The following MED16 variants were observed in gnomAD, a reference collection of about 807,000 sequenced individuals.
MED16 encodes the protein mediator complex subunit 16.
MED16 carries 81 observed loss-of-function variants against 84.4 expected under a neutral mutation model. The observed-to-expected ratio is 0.96, with a 90% CI of 0.80 to 1.15. The LOEUF is 1.15. Ranked by LOEUF, MED16 falls within the 50% of genes most tolerant of loss-of-function variation. MED16 has a pLI of 0.00. For missense variants in MED16, 1,585 were observed against 1,245.9 expected, an observed-to-expected ratio of 1.27 and a Z score of -4.10; for synonymous variants, 897 against 552.2, an observed-to-expected ratio of 1.62 and a Z score of -8.76.
In MED16 at chr19:885,973, T is replaced by A. The variant is rs1599341352; in HGVS notation, c.676A>T (p.Ile226Phe). The change falls in exon 5 of 16, where the codon ATC (isoleucine) becomes TTC (phenylalanine). Residue 226 changes from isoleucine (I) to phenylalanine (F), a missense_variant. Transcript: ENST00000325464. ...ADIAFTGGGN[I>F]VVATADGSSA... ...CTGCCGTCCGCCGTGGCCACCACGA[T>A]GTTGCCGCCGCCGGTGAAGGCGATG... The A allele has an allele frequency of 6.2e-7, 1 of 1,611,554 alleles. No individual in the cohort carries two copies. The highest frequency in any genetic ancestry group is 1.3e-5 in the African/African-American group (1 of 74,988).
At chr19:871,400 CACCAGGTCGGGGCCCCGG>C in intron 12 of MED16, 147 bp from the exon 13 acceptor site, 3 of 1,315,110 alleles carry the variant, frequency 2.3e-6, no homozygotes, top group Non-Finnish European at 3.1e-6. Context: ...GGGGTTCTCT[CACCAGGTCGGGGCCCCGG>C]CTCTGCCTGC....
chr19:886,180 C>T lies in MED16; in HGVS notation c.469G>A (p.Glu157Lys). The change falls in exon 5 of 16, where the codon GAG becomes AAG. Residue 157 changes from glutamate to lysine, a missense_variant. Glu to Lys is a moderately conservative substitution (Grantham distance 56). Transcript: ENST00000325464. Reference sequence around the variant, plus strand: ...GAGAACTTGACTCGGGAGAACTTCTCCCCGAAGCTGGAGGCGCCCGACTGT... The same window carrying T: ...GAGAACTTGACTCGGGAGAACTTCTTCCCGAAGCTGGAGGCGCCCGACTGT... The part of the protein sequence containing the change: ...VEKSGASSFG[E>K]KFSRVKFSPS... 6.6e-7 allele frequency: 1 copy of T among 1,518,108 alleles called. No individual in the cohort carries two copies. The highest frequency in any genetic ancestry group is 2.3e-5 in the East Asian group (1 of 43,362). 94.0% of individuals were successfully genotyped at this position (1,518,108 alleles called of 1,614,324 possible).
At chr19:888,875 G>C (rs1041562822) in intron 4 of MED16, among the ~76,000 whole-genome samples, 2 of 152,166 alleles carry the variant, frequency 1.3e-5, no homozygotes, top group African/African-American at 4.8e-5. Flanking sequence ...CCTAGTTCCT[G>C]CGAGAGCCCC....
In MED16 at chr19:877,260, T is replaced by C. The variant is rs1467938347; in HGVS notation, c.1354-80A>G. On this transcript the variant is annotated intron_variant, in intron 8 of 15. Transcript: ENST00000325464. ...CGGGAGAGGAATGGGGCCCTGGGGC[T>C]GCGGCACGTGTGTGGATCTGTGTGC... 9 of 1,393,918 alleles carry C rather than the reference T, an allele frequency of 6.5e-6. No homozygotes were observed. The South Asian group carries it at 7.5e-5, about 12-fold the overall frequency. The allele number at this position is 1,393,918 out of a possible 1,614,324, so 86.3% of individuals were successfully genotyped here. A position where few individuals can be genotyped will look rare whatever the true frequency, so the allele number is the denominator to read the frequency against.
At chr19:874,826 C>T (rs992153023) in intron 10 of MED16, among the ~76,000 whole-genome samples, 17 of 151,642 alleles carry the variant, frequency 1.1e-4, no homozygotes, top group Admixed American at 2.0e-4. Context: ...GCTGGGACTG[C>T]GTCACCGTGC....
chr19:891,212 C>T, intron 1 of MED16, 63 bp from the exon 2 acceptor site: 3 of 1,495,336 alleles, frequency 2.0e-6, no homozygotes, highest in Non-Finnish European at 2.7e-6. Context: ...TGTGGAGTGC[C>T]AGGCCAGAAG....
In MED16 at chr19:868,946, C is replaced by G; in HGVS notation, c.2316G>C (p.Arg772Ser). ...AATLQLDGLA[R>S]APGQPKIDHL... Reference sequence around the variant, plus strand: ...GGTCGATCTTGGGCTGGCCTGGGGCCCTGGCGGGAGAGGGGAGAACGTGAG... The same window carrying G: ...GGTCGATCTTGGGCTGGCCTGGGGCGCTGGCGGGAGAGGGGAGAACGTGAG... Residue 772 changes from arginine to serine, a missense_variant and splice_region_variant, in exon 14 of 16, where the codon AGG becomes AGC. By Grantham distance (110) the Arg-to-Ser change is moderately radical. Coordinates refer to ENST00000325464, the MANE Select transcript of MED16 (RefSeq NM_005481.3). 4.6e-6 allele frequency: 7 copies of G among 1,535,962 alleles called. No homozygotes were observed. The highest frequency in any genetic ancestry group is 6.1e-6 in the Non-Finnish European group (7 of 1,148,542).
chr19:873,227 A>AGTGGGACTCCAAGTAGGG (rs1237738038), intron 11 of MED16, among the ~76,000 whole-genome samples: 12 of 119,636 alleles, frequency 1.0e-4, no homozygotes, highest in East Asian at 7.3e-4. Context: ...AGACTCAGGA[A>AGTGGGACTCCAAGTAGGG]GTGGGACTCC....
At chr19:889,236 G>A (rs1409769473) in intron 4 of MED16, among the ~76,000 whole-genome samples, 1 of 152,080 alleles carries the variant, frequency 6.6e-6, no homozygotes, top group East Asian at 1.9e-4. Flanking sequence ...CGAATCACAG[G>A]GAGCATAGAG....
chr19:876,114 G>C (rs1273769856), intron 9 of MED16, among the ~76,000 whole-genome samples: 3 of 152,144 alleles, frequency 2.0e-5, no homozygotes, highest in East Asian at 1.9e-4. Context: ...CGCGTTTCTC[G>C]GCAGGCTGTG....
At chr19:874,254 C>T (rs1456997747) in intron 10 of MED16, among the ~76,000 whole-genome samples, 1 of 152,136 alleles carries the variant, frequency 6.6e-6, no homozygotes, top group Non-Finnish European at 1.5e-5. Flanking sequence ...GCTGGGACTA[C>T]AGGCGCCCGC....
At chr19:890,931 C>A in intron 2 of MED16, 32 bp downstream of exon 2, 1 of 1,604,316 alleles carries the variant, frequency 6.2e-7, no homozygotes, top group African/African-American at 1.3e-5. Flanking sequence ...ACCATGCGGC[C>A]GGGAGGGGAA....
At chr19:879,545 C>CAT (rs2036362926) in intron 8 of MED16, among the ~76,000 whole-genome samples, 1 of 9,070 alleles carries the variant, frequency 1.1e-4, no homozygotes, top group Non-Finnish European at 2.4e-4. Flanking sequence ...ACCAGGGCCA[C>CAT]GCCCCAGCAG....
chr19:876,824 G>A, intron 9 of MED16, 150 bp downstream of exon 9: 1 of 725,054 alleles, frequency 1.4e-6, no homozygotes, highest in Non-Finnish European at 2.2e-6. Flanking sequence ...CTGACCACGG[G>A]GCCCCTGCCT....
At position 871,084 on chromosome 19, in the gene MED16, G is replaced by A. The variant is rs1238891083; in HGVS notation, c.2268C>T (p.Pro756=). 3.9e-6 allele frequency: 6 copies of A among 1,547,884 alleles called. No homozygotes were observed. Among genetic ancestry groups the A allele is most frequent in the South Asian group, 3.6e-5 (3 of 83,974 alleles). The change falls in exon 13 of 16, where the codon CCC becomes CCT. Residue 756 remains proline (P), a synonymous_variant. Coordinates refer to ENST00000325464, the MANE Select transcript of MED16 (RefSeq NM_005481.3). ...GGGTGGCAGCACTGCCAGGCAGCGT[G>A]GGCGCCCGGCCAAACTGCAGACGAA... ...QPLRLQFGRA[P]TLPGSAATLQ... is the part of the protein sequence containing the mutation.
rs556733843 is a variant in MED16, at chr19:883,438, G to A, written c.985+1465C>T. Among the ~76,000 whole-genome samples, 6 of 149,270 alleles carry A rather than the reference G, an allele frequency of 4.0e-5. 1 individual carries two copies. The highest frequency in any genetic ancestry group is 2.0e-4 in the East Asian group (1 of 5,084). The stretch of plus-strand genomic sequence containing the variant: ...GCACGGTGGGCACGTGGGGCGGTGC[G>A]TGAAGAGCTGGGCATGGCGGGGACC... On this transcript the variant is annotated intron_variant, in intron 6 of 15. Transcript: ENST00000325464.
chr19:870,826 G>A (rs1255874440), intron 13 of MED16, among the ~76,000 whole-genome samples: 2 of 142,166 alleles, frequency 1.4e-5, no homozygotes, highest in African/African-American at 5.3e-5. Context: ...GGAGCCGTGT[G>A]GATTCGGGGG....
At chr19:875,571 C>A (rs1040962075) in intron 9 of MED16, 117 bp from the exon 10 acceptor site, 1 of 779,734 alleles carries the variant, frequency 1.3e-6, no homozygotes, top group East Asian at 2.7e-5. Context: ...GCTGGGCAAG[C>A]TGCTTCGCCT....
At position 872,077 on chromosome 19, in the gene MED16, G is replaced by A. The variant is rs1214842317; in HGVS notation, c.1947C>T (p.Gly649=). The A allele has an allele frequency of 2.5e-6, 4 of 1,609,228 alleles. No individual in the cohort carries two copies. The highest frequency in any genetic ancestry group is 3.3e-5 in the Admixed American group (2 of 59,726). Reference sequence around the variant, plus strand: ...ATTCCCGAAGCATGCCCAGCGAGGTGCCGTCCCGCAGAAAGCTGTGGCCCG... The same window carrying A: ...ATTCCCGAAGCATGCCCAGCGAGGTACCGTCCCGCAGAAAGCTGTGGCCCG... ...LRPGHSFLRD[G]TSLGMLRELM... Residue 649 remains glycine, a synonymous_variant, in exon 12 of 16, where the codon GGC becomes GGT. Transcript: ENST00000325464.
Sources: allele counts gnomAD v4.1 joint callset (sites outside exome capture counted in the v4.1 genomes callset), GRCh38; gene constraint gnomAD v4.1.1; transcripts MANE v1.5; gene names NCBI Gene and HGNC (gene_info 2026-07-23, HGNC 2026-07-21).